Variants in SAR1B observed in about 807,000 individuals in gnomAD.
The protein encoded by SAR1B is secretion associated Ras related GTPase 1B, also known as small COPII coat GTPase SAR1B.
SAR1B carries 23 observed loss-of-function variants against 26.8 expected under a neutral mutation model. That is an observed-to-expected ratio of 0.86 (90% confidence interval 0.62 to 1.22). The LOEUF (loss-of-function observed/expected upper bound fraction) is 1.22, where lower values mean the gene tolerates loss of function less well. Ranked by LOEUF, SAR1B falls within the 50% of genes most tolerant of loss-of-function variation. The pLI, the probability that SAR1B is intolerant of heterozygous loss-of-function variation, is 0.00. For missense variants in SAR1B, 196 were observed against 232.8 expected (o/e 0.84, Z 1.03); for synonymous variants, 65 against 80.8 (o/e 0.80, Z 1.05).
chr5:134,609,047 T>A (rs1420946153), intron 5 of SAR1B: 1 of 456,052 alleles, frequency 2.2e-6, no homozygotes. Flanking sequence ...CAACCTTCAA[T>A]CAAATCATGG....
At position 134,612,679 on chromosome 5, in the gene SAR1B, A is replaced by AAG; in HGVS notation, c.244+11_244+12insCT. 1.0e-6 allele frequency: 1 copy of AAG among 991,776 alleles called. No individual in the cohort carries two copies. Among genetic ancestry groups the AAG allele is most frequent in the Non-Finnish European group, 1.4e-6 (1 of 712,512 alleles). The allele number at this position is 991,776 out of a possible 1,614,324, so 61.4% of individuals were successfully genotyped here. A position where few individuals can be genotyped will look rare whatever the true frequency, so the allele number is the denominator to read the frequency against. ...AAAAAAAAAAAAAAAAAAAAAAAAA[A>AAG]AAGAATCTTACCTTGAACATGTCCA... On this transcript the variant is annotated intron_variant, in intron 4 of 6. Coordinates refer to ENST00000402673, the MANE Select transcript of SAR1B (RefSeq NM_016103.4).
At chr5:134,616,510 T>C (rs1390529351) in intron 3 of SAR1B, among the ~76,000 whole-genome samples, 1 of 151,502 alleles carries the variant, frequency 6.6e-6, no homozygotes, top group East Asian at 1.9e-4. Flanking sequence ...TAATACAATC[T>C]ATATTCAAAG....
chr5:134,618,707 T>A (rs1765352991), intron 3 of SAR1B, among the ~76,000 whole-genome samples: 1 of 152,182 alleles, frequency 6.6e-6, no homozygotes, highest in African/African-American at 2.4e-5. Context: ...TTAAATAATT[T>A]ACAGAGTCAG....
chr5:134,607,772 C>CA (rs35665930), intron 6 of SAR1B, among the ~76,000 whole-genome samples: 17,085 of 99,522 alleles, frequency 0.17, 1,167 homozygotes, highest in East Asian at 0.33. Flanking sequence ...AACTCCATCT[C>CA]AAAAAAAAAA....
chr5:134,609,983 T>A (rs549419170), intron 4 of SAR1B, among the ~76,000 whole-genome samples: 56 of 151,598 alleles, frequency 3.7e-4, no homozygotes, highest in Non-Finnish European at 7.2e-4. Context: ...ATTGGAGGAC[T>A]GCTACTAGAT....
intron 3 of SAR1B, 32 bp downstream of exon 3, chr5:134,620,901 A>G (rs752462987): frequency 2.5e-6 from 4 of 1,612,034 alleles, no homozygotes; most frequent in South Asian, 2.2e-5. Context: ...TCATTTGATC[A>G]AGTATCACAT....
Position 134,603,659 on chromosome 5 carries a change from CATG to C in SAR1B, c.*3288_*3290del, listed in dbSNP as rs1188489578. 4 of 152,070 alleles carry C rather than the reference CATG, an allele frequency of 2.6e-5. No homozygotes were observed. Among genetic ancestry groups the C allele is most frequent in the Non-Finnish European group, 4.4e-5 (3 of 68,038 alleles). The allele number at this position is 152,070 out of a possible 1,614,324, so 9.4% of individuals were successfully genotyped here. A position where few individuals can be genotyped will look rare whatever the true frequency, so the allele number is the denominator to read the frequency against. ...ACTAAAAATACAAAAATTAGCCGGG[CATG>C]GTGGTGCGCGCCTGTAGTCCCAGCT... On this transcript the variant is annotated 3_prime_UTR_variant, in exon 7 of 7. Transcript: ENST00000402673.
At position 134,601,451 on chromosome 5, in the gene SAR1B, C is replaced by T. The variant is rs1765032822; in HGVS notation, c.*5499G>A. 6.6e-6 allele frequency: 1 copy of T among 152,048 alleles called. No individual in the cohort carries two copies. Among genetic ancestry groups the T allele is most frequent in the African/African-American group, 2.4e-5 (1 of 41,390 alleles). 9.4% of individuals were successfully genotyped at this position (152,048 alleles called of 1,614,324 possible). A position where few individuals can be genotyped will look rare whatever the true frequency, so the allele number is the denominator to read the frequency against. On this transcript the variant is annotated 3_prime_UTR_variant, in exon 7 of 7. Transcript: ENST00000402673. ...GATTAACAACTTACCATCAATATAC[C>T]ACTTCAACATACTTTACATTCAGCC...
intron 1 of SAR1B, among the ~76,000 whole-genome samples, chr5:134,625,539 G>T (rs1010606125): frequency 6.6e-6 from 1 of 152,116 alleles, no homozygotes; most frequent in African/African-American, 2.4e-5. Context: ...AAATAGGGTA[G>T]AAAAAGTCTC....
At chr5:134,630,782 AAAAAAAAAAAAG>A in intron 1 of SAR1B, among the ~76,000 whole-genome samples, 1 of 150,788 alleles carries the variant, frequency 6.6e-6, no homozygotes, top group Non-Finnish European at 1.5e-5. Context: ...CCGTCTCAAA[AAAAAAAAAAAAG>A]AAAAAAGAAA....
intron 2 of SAR1B, 22 bp from the exon 3 acceptor site, chr5:134,621,074 T>C: frequency 6.2e-7 from 1 of 1,610,864 alleles, no homozygotes. Context: ...GAGCTATGAT[T>C]GGTCAAAGTG....
Position 134,603,055 on chromosome 5 carries a change from A to AT in SAR1B, c.*3894dup, listed in dbSNP as rs897049887. The AT allele has an allele frequency of 6.6e-6, 1 of 152,128 alleles. No individual in the cohort carries two copies. Among genetic ancestry groups the AT allele is most frequent in the African/African-American group, 2.4e-5 (1 of 41,410 alleles). 9.4% of individuals were successfully genotyped at this position (152,128 alleles called of 1,614,324 possible). A position where few individuals can be genotyped will look rare whatever the true frequency, so the allele number is the denominator to read the frequency against. On this transcript the variant is annotated 3_prime_UTR_variant, in exon 7 of 7. Coordinates refer to ENST00000402673, the MANE Select transcript of SAR1B (RefSeq NM_016103.4). ...AAGAAACTTATGTTTGCTAATTTCT[A>AT]TTTTTTCATTGTTTCTTGAAGATTT...
chr5:134,616,133 A>G (rs1374335285), intron 3 of SAR1B, among the ~76,000 whole-genome samples: 1 of 143,330 alleles, frequency 7.0e-6, no homozygotes, highest in Admixed American at 6.9e-5. Flanking sequence ...CCATCTCGGA[A>G]AAAAAAAAAA....
chr5:134,629,824 T>G (rs1353924643), intron 1 of SAR1B, among the ~76,000 whole-genome samples: 1 of 150,390 alleles, frequency 6.6e-6, no homozygotes, highest in Non-Finnish European at 1.5e-5. Context: ...AGACGGAGGT[T>G]GCAGTGAGCC....
At chr5:134,612,641 T>TTAAAAAA in intron 4 of SAR1B, 50 bp downstream of exon 4, 2 of 767,852 alleles carry the variant, frequency 2.6e-6, no homozygotes, top group East Asian at 1.9e-4. Context: ...TGAGCCTGTC[T>TTAAAAAA]AAAAAAAAAA....
intron 2 of SAR1B, among the ~76,000 whole-genome samples, chr5:134,623,046 C>A (rs1765437580): frequency 6.7e-6 from 1 of 148,994 alleles, no homozygotes; most frequent in East Asian, 2.0e-4. Flanking sequence ...TTGCTTGAAC[C>A]AGGAGGCGAA....
chr5:134,627,799 A>AAAAAATAAATAAATAAAT (rs2150056606), intron 1 of SAR1B, among the ~76,000 whole-genome samples: 1 of 97,386 alleles, frequency 1.0e-5, no homozygotes, highest in East Asian at 2.7e-4. Flanking sequence ...ACTCCATCCC[A>AAAAAATAAATAAATAAAT]AAAAATAAAT....
At chr5:134,620,851 C>G in intron 3 of SAR1B, 82 bp downstream of exon 3, 2 of 1,519,316 alleles carry the variant, frequency 1.3e-6, no homozygotes, top group South Asian at 2.3e-5. Flanking sequence ...AAGACCCTGT[C>G]TGAAACAAAA....
rs893598261 is a variant in SAR1B, at chr5:134,623,983, T to C, written c.37A>G (p.Ser13Gly). The C allele has an allele frequency of 7.4e-6, 12 of 1,611,242 alleles. No homozygotes were observed. Among genetic ancestry groups the C allele is most frequent in the Non-Finnish European group, 9.3e-6 (11 of 1,177,568 alleles). Residue 13 changes from serine (S) to glycine (G), a missense_variant, in exon 2 of 7, where the codon AGC becomes GGC. Ser to Gly is a moderately conservative substitution (Grantham distance 56). Coordinates refer to ENST00000402673, the MANE Select transcript of SAR1B (RefSeq NM_016103.4). The stretch of plus-strand genomic sequence containing the variant: ...TTACCTAAAAACTGTAGCACACTGC[T>C]GAAACCACTGTAAATCCAATCAAAT... ...FIFDWIYSGF[S>G]SVLQFLGLYK...
Sources: allele counts gnomAD v4.1 joint callset (sites outside exome capture counted in the v4.1 genomes callset), GRCh38; gene constraint gnomAD v4.1.1; transcripts MANE v1.5; gene names NCBI Gene and HGNC (gene_info 2026-07-23, HGNC 2026-07-21).